The following HRH2 variants were observed in gnomAD, a reference collection of about 807,000 sequenced individuals.
The protein encoded by HRH2 is histamine H2 receptor.
HRH2 carries 4 observed loss-of-function variants against 20.1 expected under a neutral mutation model. The observed-to-expected ratio is 0.20, with a 90% CI of 0.10 to 0.45. HRH2 has a LOEUF of 0.45. Ranked by LOEUF, HRH2 falls within the 20% of genes least tolerant of loss-of-function variation. The probability of loss-of-function intolerance (pLI) is 0.99; values close to 1 mark genes in which losing one functional copy is unlikely to be tolerated. For missense variants in HRH2, 250 were observed against 461.6 expected, an observed-to-expected ratio of 0.54 and a Z score of 4.20; for synonymous variants, 197 against 200.7, an observed-to-expected ratio of 0.98 and a Z score of 0.16.
intron 2 of HRH2, among the ~76,000 whole-genome samples, chr5:175,688,318 G>A (rs1201158410): frequency 1.3e-5 from 2 of 152,218 alleles, no homozygotes; most frequent in African/African-American, 2.4e-5. Context: ...CCTCCCACAA[G>A]TCCCAACCCT....
At chr5:175,692,430 C>T (rs651002) in intron 2 of HRH2, among the ~76,000 whole-genome samples, 1 of 152,176 alleles carries the variant, frequency 6.6e-6, no homozygotes, top group Non-Finnish European at 1.5e-5. Flanking sequence ...CCATTTCCAG[C>T]CCCTGGCTCT....
intron 1 of HRH2, among the ~76,000 whole-genome samples, chr5:175,666,849 A>G (rs1762911592): frequency 6.6e-6 from 1 of 152,120 alleles, no homozygotes; most frequent in Non-Finnish European, 1.5e-5. Context: ...CTTTTTGAGT[A>G]GATAAGACCT....
rs577092429 is a variant in HRH2, at chr5:175,677,106, C to T, written c.-525-5603C>T. On this transcript the variant is annotated intron_variant, in intron 1 of 2. Coordinates refer to ENST00000636584, the MANE Select transcript of HRH2 (RefSeq NM_001367711.1). This position sits in a 1 kb window ranked among gnomAD's most constrained non-coding sequence, Gnocchi z 4.2. ...AACCCCTGGGCTCAAGCGATCTTCC[C>T]ACCTCGGCCTCCCGAGTAGCCTGCC... Among the ~76,000 whole-genome samples, 14 of 152,206 alleles carry T rather than the reference C, an allele frequency of 9.2e-5. No homozygotes were observed. Among genetic ancestry groups the T allele is most frequent in the African/African-American group, 3.1e-4 (13 of 41,506 alleles).
At chr5:175,688,032 C>T (rs1756231735) in intron 2 of HRH2, among the ~76,000 whole-genome samples, 1 of 152,206 alleles carries the variant, frequency 6.6e-6, no homozygotes. Flanking sequence ...TTGTAGGCAG[C>T]CTGCATGCCT....
chr5:175,680,703 G>A (rs1340473238), intron 1 of HRH2, among the ~76,000 whole-genome samples: 3 of 152,226 alleles, frequency 2.0e-5, no homozygotes, highest in South Asian at 2.1e-4. Flanking sequence ...TGGGACAGGA[G>A]AGGATGGGAG....
At chr5:175,699,423 C>T (rs962610473) in intron 2 of HRH2, among the ~76,000 whole-genome samples, 5 of 152,204 alleles carry the variant, frequency 3.3e-5, no homozygotes, top group African/African-American at 1.2e-4. Context: ...CAACCTCCTC[C>T]GCTTCCATTT....
At chr5:175,668,898 C>T (rs1161921563) in intron 1 of HRH2, among the ~76,000 whole-genome samples, 1 of 152,184 alleles carries the variant, frequency 6.6e-6, no homozygotes, top group Non-Finnish European at 1.5e-5. Flanking sequence ...GAGGGCAGGA[C>T]TCACTCAGTG....
Position 175,683,758 on chromosome 5 carries a change from A to G in HRH2, c.525A>G (p.Lys175=). The change falls in exon 2 of 3, where the codon AAA becomes AAG. Residue 175 remains lysine, a synonymous_variant. Transcript: ENST00000636584. ...SKGNHTTSKC[K]VQVNEVYGLV... ...GCAATCATACCACCTCTAAGTGCAA[A>G]GTCCAGGTCAATGAAGTGTACGGGC... The G allele has an allele frequency of 6.2e-7, 1 of 1,614,156 alleles. No individual in the cohort carries two copies.
In HRH2 at chr5:175,687,685, C is replaced by A. The variant is rs892326268; in HGVS notation, c.1076+3376C>A. On this transcript the variant is annotated intron_variant, in intron 2 of 2. Coordinates refer to ENST00000636584, the MANE Select transcript of HRH2 (RefSeq NM_001367711.1). The surrounding 1 kb of genome is among the most constrained non-coding windows in gnomAD (Gnocchi z 5.2). Reference sequence around the variant, plus strand: ...GCCCCTTCCTGACCCCTACTGTCCACCCCTCATCACCTCTCCCCTGCCTCC... The same window carrying A: ...GCCCCTTCCTGACCCCTACTGTCCAACCCTCATCACCTCTCCCCTGCCTCC... 2.0e-5 allele frequency among the ~76,000 whole-genome samples: 3 copies of A among 152,034 alleles called. No individual in the cohort carries two copies. The highest frequency in any genetic ancestry group is 2.9e-5 in the Non-Finnish European group (2 of 67,986).
chr5:175,707,094 A>T (rs1006073001), intron 2 of HRH2, among the ~76,000 whole-genome samples: 1 of 152,144 alleles, frequency 6.6e-6, no homozygotes, highest in Non-Finnish European at 1.5e-5. Context: ...GCTTACTTTT[A>T]TATGTATTCT....
chr5:175,684,759 G>A (rs1326099114), intron 2 of HRH2, among the ~76,000 whole-genome samples: 2 of 152,188 alleles, frequency 1.3e-5, no homozygotes, highest in Non-Finnish European at 2.9e-5. Context: ...GAGAAACTCA[G>A]CTCAGTTCAG....
At position 175,707,937 on chromosome 5, in the gene HRH2, A is replaced by G. The variant is rs532448640; in HGVS notation, c.1235A>G (p.Lys412Arg). Residue 412 changes from lysine to arginine, a missense_variant, in exon 3 of 3, where the codon AAA becomes AGA. Lys to Arg is a conservative substitution (Grantham distance 26). This residue lies in a region of HRH2 where 55 missense variants were observed against 66.9 expected (regional missense o/e 0.82). Transcript: ENST00000636584. ...GAGCCACAGAAGAGACCTCCCCAGAAAGCGGTGAGGACGCTGCCCTCTGAG... is the reference window on the plus strand; with the variant it reads ...GAGCCACAGAAGAGACCTCCCCAGAGAGCGGTGAGGACGCTGCCCTCTGAG... ...SEEPQKRPPQ[K>R]AVRTLPSEAV 5.0e-6 allele frequency: 2 copies of G among 399,104 alleles called. No individual in the cohort carries two copies. The highest frequency in any genetic ancestry group is 2.5e-4 in the South Asian group (2 of 7,860). 24.7% of individuals were successfully genotyped at this position (399,104 alleles called of 1,614,324 possible).
chr5:175,680,992 C>G (rs910886793), intron 1 of HRH2, among the ~76,000 whole-genome samples: 1 of 152,112 alleles, frequency 6.6e-6, no homozygotes, highest in African/African-American at 2.4e-5. Flanking sequence ...ATAAGAGAGG[C>G]TGGTCCACTC....
chr5:175,690,871 C>A (rs1428541570), intron 2 of HRH2, among the ~76,000 whole-genome samples: 1 of 152,218 alleles, frequency 6.6e-6, no homozygotes, highest in African/African-American at 2.4e-5. Context: ...GTGCCTGGCT[C>A]CCCTCACTTA....
chr5:175,692,754 C>T (rs1245038421), intron 2 of HRH2, among the ~76,000 whole-genome samples: 1 of 152,196 alleles, frequency 6.6e-6, no homozygotes, highest in Non-Finnish European at 1.5e-5. Context: ...AGACTTGGAT[C>T]GGTGTCCGGG....
chr5:175,664,467 C>T (rs1204664419), intron 1 of HRH2, among the ~76,000 whole-genome samples: 2 of 152,052 alleles, frequency 1.3e-5, no homozygotes, highest in African/African-American at 4.8e-5. Context: ...GTAGAAAGGG[C>T]GTGCACAAGG....
chr5:175,670,921 G>T (rs978700611), intron 1 of HRH2, among the ~76,000 whole-genome samples: 2 of 152,252 alleles, frequency 1.3e-5, no homozygotes, highest in African/African-American at 4.8e-5. Flanking sequence ...TGCAGTAGTG[G>T]GCACACAGAC....
rs1235184386 is a variant in HRH2, at chr5:175,681,079, G to A, written c.-525-1630G>A. On this transcript the variant is annotated intron_variant, in intron 1 of 2. Coordinates refer to ENST00000636584, the MANE Select transcript of HRH2 (RefSeq NM_001367711.1). The surrounding 1 kb of genome is among the most constrained non-coding windows in gnomAD (Gnocchi z 4.3). ...AAAATACCTATACCCGGCTGTTGTGGTAACTCAGAAAAACTTTGATGAGAA... is the reference window on the plus strand; with the variant it reads ...AAAATACCTATACCCGGCTGTTGTGATAACTCAGAAAAACTTTGATGAGAA... 6.6e-6 allele frequency among the ~76,000 whole-genome samples: 1 copy of A among 152,116 alleles called. No individual in the cohort carries two copies. Among genetic ancestry groups the A allele is most frequent in the East Asian group, 1.9e-4 (1 of 5,198 alleles).
chr5:175,673,273 G>A (rs1755628089), intron 1 of HRH2, among the ~76,000 whole-genome samples: 1 of 152,128 alleles, frequency 6.6e-6, no homozygotes, highest in Non-Finnish European at 1.5e-5. Context: ...GCGTTTCACA[G>A]GCAGACAGGG....
Sources: allele counts gnomAD v4.1 joint callset (sites outside exome capture counted in the v4.1 genomes callset), GRCh38; gene constraint gnomAD v4.1.1; regional missense constraint gnomAD v4.1.1; non-coding constraint Gnocchi (gnomAD v3.1); transcripts MANE v1.5; gene names NCBI Gene and HGNC (gene_info 2026-07-23, HGNC 2026-07-21).